Variants in MYO18B observed in about 807,000 individuals in gnomAD.
The protein encoded by MYO18B is unconventional myosin-XVIIIb.
A neutral mutation model predicts 273.0 loss-of-function variants in MYO18B; 204 were observed. The ratio of observed to expected loss-of-function variants is 0.75; its 90% CI spans 0.67 to 0.84. The LOEUF (loss-of-function observed/expected upper bound fraction) is 0.84, where lower values mean the gene tolerates loss of function less well. Among genes scored for constraint, MYO18B ranks in the 40% least tolerant of loss-of-function variants. MYO18B has a pLI of 0.00. For missense variants in MYO18B, 3,212 were observed against 3,287.6 expected (o/e 0.98, Z 0.56); for synonymous variants, 1,330 against 1,305.7 (o/e 1.02, Z -0.40).
In MYO18B at chr22:26,027,439, A is replaced by G. The variant is rs1439813005; in HGVS notation, c.7465A>G (p.Lys2489Glu). Reference protein sequence around the residue: ...EANRSFLSGIKTILKKSPEPK... With the variant: ...EANRSFLSGIETILKKSPEPK... ...TAACCGTTCCTTTCTCTCGGGGATCAAGACCATTTTGAAGAAGAGCCCGGA... is the reference window on the plus strand; with the variant it reads ...TAACCGTTCCTTTCTCTCGGGGATCGAGACCATTTTGAAGAAGAGCCCGGA... The change falls in exon 43 of 44, where the codon AAG (lysine) becomes GAG (glutamate). Residue 2489 changes from lysine (K) to glutamate (E), a missense_variant. Physicochemically the swap from Lys to Glu is moderately conservative, Grantham distance 56. Transcript: ENST00000335473. The surrounding 1 kb of genome is among the most constrained non-coding windows in gnomAD (Gnocchi z 4.1). 1.2e-6 allele frequency: 2 copies of G among 1,614,000 alleles called. No homozygotes were observed.
intron 14 of MYO18B, among the ~76,000 whole-genome samples, chr22:25,828,336 T>C (rs1291662148): frequency 1.3e-5 from 2 of 152,202 alleles, no homozygotes; most frequent in Non-Finnish European, 2.9e-5. Context: ...ATCCCTGTTG[T>C]GTCCACCCCT....
chr22:25,823,570 T>C lies in MYO18B; in HGVS notation c.2587T>C (p.Tyr863His). ...NYAAEALGCEYEELNTATFKH... is the reference protein window; with the variant it reads ...NYAAEALGCEHEELNTATFKH... ...CGCAGCTGAGGCCCTGGGCTGCGAG[T>C]ATGAGGAGCTGAACACGGCCACCTT... The change falls in exon 13 of 44, where the codon TAT becomes CAT. Residue 863 changes from tyrosine (Y) to histidine (H), a missense_variant. Transcript: ENST00000335473. The C allele has an allele frequency of 3.1e-6, 5 of 1,613,512 alleles. No homozygotes were observed. Among genetic ancestry groups the C allele is most frequent in the Non-Finnish European group, 4.2e-6 (5 of 1,179,800 alleles).
intron 42 of MYO18B, among the ~76,000 whole-genome samples, chr22:26,011,396 C>T (rs1406789421): frequency 6.6e-6 from 1 of 152,156 alleles, no homozygotes; most frequent in African/African-American, 2.4e-5. Flanking sequence ...TCCCACCAAA[C>T]CATGAGAACA....
intron 1 of MYO18B, among the ~76,000 whole-genome samples, chr22:25,756,098 C>T (rs758119810): frequency 1.3e-5 from 2 of 151,980 alleles, no homozygotes; most frequent in African/African-American, 2.4e-5. Flanking sequence ...GGGGTTTCAC[C>T]GTGTTAGCCA....
At chr22:25,908,813 G>T (rs1006919768) in intron 32 of MYO18B, among the ~76,000 whole-genome samples, 2 of 152,088 alleles carry the variant, frequency 1.3e-5, no homozygotes, top group African/African-American at 2.4e-5. Context: ...TAGCCATTCC[G>T]AACAGTGTGT....
chr22:25,850,541 T>G (rs1211616979), intron 20 of MYO18B, among the ~76,000 whole-genome samples: 1 of 152,190 alleles, frequency 6.6e-6, no homozygotes, highest in Non-Finnish European at 1.5e-5. Flanking sequence ...ACACATAAGC[T>G]CTCAGTAAAT....
chr22:25,763,201 GCT>G (rs751633515), intron 2 of MYO18B, 28 bp from the exon 3 acceptor site: 3 of 1,610,372 alleles, frequency 1.9e-6, no homozygotes, highest in Non-Finnish European at 1.7e-6. Context: ...GACTCACTGA[GCT>G]CTCTCTTTCC....
chr22:26,041,022 T>C, the MYO18B span, among the ~76,000 whole-genome samples: 17 of 152,174 alleles, frequency 1.1e-4, no homozygotes, highest in African/African-American at 4.1e-4. Context: ...TAGGATGAGG[T>C]TTGACCTAGG....
At chr22:25,955,424 C>G in intron 39 of MYO18B, 60 bp downstream of exon 39, 2 of 1,512,280 alleles carry the variant, frequency 1.3e-6, no homozygotes, top group Non-Finnish European at 1.8e-6. Context: ...TGGTAGACCC[C>G]CCTTTCTTAA....
intron 34 of MYO18B, among the ~76,000 whole-genome samples, chr22:25,931,854 T>C (rs2092508298): frequency 6.6e-6 from 1 of 151,018 alleles, no homozygotes; most frequent in Admixed American, 6.6e-5. Context: ...TTTTTTTTTT[T>C]TGGTAGAGAT....
chr22:25,788,892 C>A (rs963123105), intron 11 of MYO18B, among the ~76,000 whole-genome samples: 15 of 152,206 alleles, frequency 9.9e-5, no homozygotes, highest in African/African-American at 3.4e-4. Flanking sequence ...CAAGTGACCT[C>A]ATCTCCTTGG....
At chr22:25,968,325 G>T (rs2093000697) in intron 39 of MYO18B, among the ~76,000 whole-genome samples, 1 of 152,178 alleles carries the variant, frequency 6.6e-6, no homozygotes, top group African/African-American at 2.4e-5. Context: ...TAGCCATATG[G>T]ATGGAGAGTA....
At position 26,017,155 on chromosome 22, in the gene MYO18B, T is replaced by C. The variant is rs28606638; in HGVS notation, c.6471-9290T>C. ...TCCCTTCCACTCCCTCCCTCCCTCC[T>C]TCTTTCCTTCCCTTGCTCCTTCCTT... is the stretch of plus-strand genomic sequence containing the variant. On this transcript the variant is annotated intron_variant, in intron 42 of 43. Transcript: ENST00000335473. Among the ~76,000 whole-genome samples the C allele has an allele frequency of 5.2e-3, 753 of 143,938 alleles. 5 individuals are homozygous for C. The highest frequency in any genetic ancestry group is 8.9e-3 in the Non-Finnish European group (588 of 65,712). The allele number at this position is 143,938 out of a possible 152,430, so 94.4% of individuals were successfully genotyped here.
In MYO18B at chr22:25,984,126, A is replaced by G. The variant is rs190841480; in HGVS notation, c.6157-8237A>G. ...AATTTAGGTAGGTGAGGTGTACACA[A>G]TTTTACATTATTTCATTTGTTCCTT... On this transcript the variant is annotated intron_variant, in intron 39 of 43. Transcript: ENST00000335473. Among the ~76,000 whole-genome samples, 212 of 119,110 alleles carry G rather than the reference A, an allele frequency of 1.8e-3. 4 individuals are homozygous for G. The South Asian group carries it at 0.029, about 16-fold the overall frequency. 78.1% of individuals were successfully genotyped at this position (119,110 alleles called of 152,430 possible).
chr22:25,975,351 T>A (rs1338055172), intron 39 of MYO18B, among the ~76,000 whole-genome samples: 1 of 152,150 alleles, frequency 6.6e-6, no homozygotes, highest in South Asian at 2.1e-4. Context: ...AGCTTCAACG[T>A]CTTTATGTTC....
intron 5 of MYO18B, 46 bp from the exon 6 acceptor site, chr22:25,770,826 C>T (rs1229547740): frequency 7.1e-7 from 1 of 1,400,304 alleles, no homozygotes; most frequent in Non-Finnish European, 9.9e-7. Context: ...CTCTTCCCCT[C>T]CCATCTCCTC....
intron 7 of MYO18B, among the ~76,000 whole-genome samples, chr22:25,776,186 G>C (rs890697259): frequency 3.3e-5 from 5 of 152,188 alleles, no homozygotes; most frequent in African/African-American, 1.2e-4. Context: ...CAATGCATTG[G>C]AGATTCACCC....
the MYO18B span, among the ~76,000 whole-genome samples, chr22:26,047,031 G>T: frequency 1.3e-5 from 2 of 151,942 alleles, no homozygotes; most frequent in South Asian, 4.1e-4. Context: ...AAGTGCAAGA[G>T]TTACAAGAGG....
At chr22:26,063,544 T>C in the MYO18B span, among the ~76,000 whole-genome samples, 9 of 152,292 alleles carry the variant, frequency 5.9e-5, no homozygotes, top group East Asian at 1.4e-3. Context: ...GAATGTGAGA[T>C]GCCTGACTCA....
Sources: allele counts gnomAD v4.1 joint callset (sites outside exome capture counted in the v4.1 genomes callset), GRCh38; gene constraint gnomAD v4.1.1; non-coding constraint Gnocchi (gnomAD v3.1); transcripts MANE v1.5; gene names NCBI Gene and HGNC (gene_info 2026-07-23, HGNC 2026-07-21).